The following FOLH1 variants were observed in gnomAD, a reference collection of about 807,000 sequenced individuals.
FOLH1 encodes glutamate carboxypeptidase 2.
Under a neutral mutation model 93.9 loss-of-function variants are expected in FOLH1, and 54 were observed. That is an observed-to-expected ratio of 0.57 (90% CI 0.46 to 0.72). The LOEUF is 0.72. FOLH1 is among the 30% of genes least tolerant of loss of function. The pLI is 0.00. For synonymous variants in FOLH1, 249 were observed against 303.6 expected (o/e 0.82, Z 1.87); for missense variants, 571 against 892.5 (o/e 0.64, Z 4.59).
At chr11:49,181,027 A>T (rs1188644468) in intron 7 of FOLH1, among the ~76,000 whole-genome samples, 3 of 152,172 alleles carry the variant, frequency 2.0e-5, no homozygotes, top group Non-Finnish European at 4.4e-5. Context: ...GTAGACGTCT[A>T]AATAAATCTC....
At chr11:49,167,741 G>GA (rs777172693) in intron 12 of FOLH1, among the ~76,000 whole-genome samples, 12 of 151,962 alleles carry the variant, frequency 7.9e-5, no homozygotes, top group Admixed American at 3.3e-4. Flanking sequence ...TTGAGCCTGG[G>GA]AAATCAAGAC....
At chr11:49,183,535 G>A (rs370663607) in intron 6 of FOLH1, among the ~76,000 whole-genome samples, 49 of 152,178 alleles carry the variant, frequency 3.2e-4, no homozygotes, top group African/African-American at 1.2e-3. Context: ...CTAGAAAGAT[G>A]AGCACATGCC....
chr11:49,169,026 G>A (rs1197177412), intron 12 of FOLH1, among the ~76,000 whole-genome samples, 169 bp downstream of exon 12: 1 of 152,130 alleles, frequency 6.6e-6, no homozygotes, highest in African/African-American at 2.4e-5. Flanking sequence ...TTCACCTAGG[G>A]CTCACCCAAC....
rs369114200 is a variant in FOLH1, at chr11:49,170,985, T to C, written c.1308+210A>G. Among the ~76,000 whole-genome samples, 87 of 152,330 alleles carry C rather than the reference T, an allele frequency of 5.7e-4. No homozygotes were observed. The South Asian group carries it at 0.018, about 32-fold the overall frequency. ...ATTAATTTTGACAATTGACATTAAG[T>C]GGCTCTAAAAGGTTCAAACAAAACT... On this transcript the variant is annotated intron_variant, in intron 11 of 18. Coordinates refer to ENST00000256999, the MANE Select transcript of FOLH1 (RefSeq NM_004476.3).
chr11:49,151,202 T>C (rs1219015768), intron 17 of FOLH1, among the ~76,000 whole-genome samples: 1 of 152,256 alleles, frequency 6.6e-6, no homozygotes, highest in Non-Finnish European at 1.5e-5. Context: ...TTAACATTTA[T>C]GTATTTGGCA....
chr11:49,151,582 T>A (rs1031657612), intron 17 of FOLH1, among the ~76,000 whole-genome samples: 3 of 152,124 alleles, frequency 2.0e-5, no homozygotes, highest in Non-Finnish European at 4.4e-5. Flanking sequence ...TTCAGTTTAA[T>A]TTACTTAGTC....
chr11:49,202,279 T>C (rs2135325636), intron 2 of FOLH1, among the ~76,000 whole-genome samples: 1 of 152,332 alleles, frequency 6.6e-6, no homozygotes, highest in South Asian at 2.1e-4. Context: ...GAATATCAAA[T>C]TTTGTAAAAA....
At chr11:49,151,389 C>T (rs78102297) in intron 17 of FOLH1, among the ~76,000 whole-genome samples, 4,433 of 152,192 alleles carry the variant, frequency 0.029, 79 homozygotes, top group African/African-American at 0.036. Context: ...GCCACACACA[C>T]GTAAATGCGC....
Position 49,168,231 on chromosome 11 carries a change from C to T in FOLH1, c.1372+964G>A, listed in dbSNP as rs537646940. Among the ~76,000 whole-genome samples the T allele has an allele frequency of 2.0e-5, 3 of 151,540 alleles. No homozygotes were observed. The East Asian group carries it at 5.8e-4, about 29-fold the overall frequency. The stretch of plus-strand genomic sequence containing the variant: ...AGACATGTCTTCCCTGAAAAAGTAA[C>T]ATTTCAAAGGAGGGTCTAAGGATAA... On this transcript the variant is annotated intron_variant, in intron 12 of 18. Transcript: ENST00000256999.
intron 12 of FOLH1, among the ~76,000 whole-genome samples, chr11:49,168,652 A>G (rs1199245996): frequency 1.3e-5 from 2 of 152,128 alleles, no homozygotes; most frequent in Non-Finnish European, 2.9e-5. Flanking sequence ...TGCATTTGTA[A>G]TAGCTATGGG....
At position 49,146,859 on chromosome 11, in the gene FOLH1, C is replaced by G. The variant is rs560179737; in HGVS notation, c.2150G>C (p.Ser717Thr). The G allele has an allele frequency of 6.2e-6, 10 of 1,613,504 alleles. No individual in the cohort carries two copies. In the South Asian group the frequency reaches 9.9e-5, roughly 16 times the overall value. The change falls in exon 19 of 19, where the codon AGC becomes ACC. Residue 717 changes from serine (S) to threonine (T), a missense_variant. By Grantham distance (58) the Ser-to-Thr change is moderately conservative. Coordinates refer to ENST00000256999, the MANE Select transcript of FOLH1 (RefSeq NM_004476.3). The part of the protein sequence containing the change: ...GIYDALFDIE[S>T]KVDPSKAWGE... ...CCAGGCCTTGGAAGGGTCCACTTTG[C>G]TTTCAATATCAAACAGAGCATCATA...
chr11:49,182,438 T>C (rs573946548), intron 7 of FOLH1, among the ~76,000 whole-genome samples: 19 of 148,330 alleles, frequency 1.3e-4, no homozygotes, highest in Non-Finnish European at 2.4e-4. Flanking sequence ...AAAGTTTCAA[T>C]AATGAAAGCA....
intron 17 of FOLH1, among the ~76,000 whole-genome samples, chr11:49,153,141 T>C (rs923364515): frequency 7.9e-5 from 12 of 152,090 alleles, no homozygotes; most frequent in African/African-American, 2.9e-4. Flanking sequence ...GCCCTCAAAA[T>C]TATACTTTAA....
At chr11:49,187,923 C>T (rs1251178703) in intron 4 of FOLH1, among the ~76,000 whole-genome samples, 1 of 152,196 alleles carries the variant, frequency 6.6e-6, no homozygotes, top group Non-Finnish European at 1.5e-5. Context: ...AGAAACTATT[C>T]CAGACCTCCT....
rs142952497 is a variant in FOLH1 at position 49,158,015 on chromosome 11, C to T, written c.1469G>A (p.Gly490Asp). Residue 490 changes from glycine (G) to aspartate (D), a missense_variant, in exon 14 of 19, where the codon GGC becomes GAC. Around this residue, in one of 2 missense-constraint regions of FOLH1, gnomAD observed 500 missense variants for 822.9 expected, o/e 0.61. Coordinates refer to ENST00000256999, the MANE Select transcript of FOLH1 (RefSeq NM_004476.3). ...AGTCCAACTTTCATAAAGAGATTTG[C>T]CTTCAAAGCCTTCATCAGGGCTTTT... is the stretch of plus-strand genomic sequence containing the variant. ...ELKSPDEGFE[G>D]KSLYESWTKK... The T allele has an allele frequency of 1.9e-5, 30 of 1,593,994 alleles. No homozygotes were observed. Among genetic ancestry groups the T allele is most frequent in the Non-Finnish European group, 2.4e-5 (28 of 1,168,374 alleles).
intron 12 of FOLH1, among the ~76,000 whole-genome samples, chr11:49,165,065 C>G (rs941486217): frequency 1.3e-5 from 2 of 152,142 alleles, no homozygotes; most frequent in African/African-American, 4.8e-5. Flanking sequence ...CAGTATTCTG[C>G]ATTATATCTG....
At chr11:49,189,816 T>C (rs1210175185) in intron 4 of FOLH1, among the ~76,000 whole-genome samples, 3 of 152,180 alleles carry the variant, frequency 2.0e-5, no homozygotes, top group African/African-American at 7.2e-5. Context: ...TGATAAGTAG[T>C]ATAGAAAAAA....
intron 4 of FOLH1, among the ~76,000 whole-genome samples, chr11:49,188,937 A>G (rs1432227680): frequency 3.9e-5 from 6 of 152,210 alleles, no homozygotes; most frequent in African/African-American, 7.2e-5. Context: ...ATTTTGCTCA[A>G]TTGTAAACCA....
In FOLH1 at chr11:49,169,247, T is replaced by A; in HGVS notation, c.1320A>T (p.Arg440Ser). 6.2e-7 allele frequency: 1 copy of A among 1,612,890 alleles called. No individual in the cohort carries two copies. The highest frequency in any genetic ancestry group is 8.5e-7 in the Non-Finnish European group (1 of 1,179,238). The change falls in exon 12 of 19, where the codon AGA (arginine) becomes AGT (serine). Residue 440 changes from arginine (R) to serine (S), a missense_variant. This residue lies in a region of FOLH1 where 500 missense variants were observed against 822.9 expected (regional missense o/e 0.61). Transcript: ENST00000256999. ...GSTEWAEENS[R>S]LLQERGVAYI... ...AAGCCACGCCACGCTCTTGAAGGAG[T>A]CTTGAATTCTCCTATAATAAAAAGG...
Sources: gnomAD v4.1 joint callset for allele counts (sites outside exome capture counted in the v4.1 genomes callset) on GRCh38, gnomAD v4.1.1 for gene constraint, gnomAD v4.1.1 regional missense constraint, MANE v1.5 for transcripts, NCBI Gene and HGNC (gene_info 2026-07-23, HGNC 2026-07-21) for gene names.